SLC9A9: variants seen among roughly 807,000 people sequenced by gnomAD.
SLC9A9 encodes the protein sodium/hydrogen exchanger 9.
SLC9A9 carries 62 observed loss-of-function variants against 77.8 expected under a neutral mutation model. That is an observed-to-expected ratio of 0.80 (90% CI 0.65 to 0.98). The LOEUF (loss-of-function observed/expected upper bound fraction) is 0.98. Ranked by LOEUF, SLC9A9 falls within the 50% of genes least tolerant of loss-of-function variation. The pLI, the probability that SLC9A9 is intolerant of heterozygous loss-of-function variation, is 0.00. For missense variants in SLC9A9, 775 were observed against 774.9 expected (o/e 1.00, Z 0.00); for synonymous variants, 320 against 283.5 (o/e 1.13, Z -1.29).
intron 8 of SLC9A9, among the ~76,000 whole-genome samples, chr3:143,556,641 T>C (rs2036988086): frequency 6.6e-6 from 1 of 152,230 alleles, no homozygotes; most frequent in Non-Finnish European, 1.5e-5. Context: ...TTGCTTCCTG[T>C]AAGTATTACC....
intron 13 of SLC9A9, among the ~76,000 whole-genome samples, chr3:143,378,681 A>G (rs192468621): frequency 6.6e-6 from 1 of 152,320 alleles, no homozygotes. Context: ...CAAGGAATCA[A>G]TTACAAGGGA....
intron 11 of SLC9A9, among the ~76,000 whole-genome samples, chr3:143,468,664 C>A (rs1311675519): frequency 1.3e-5 from 2 of 152,026 alleles, no homozygotes; most frequent in Non-Finnish European, 2.9e-5. Flanking sequence ...TGTCAGACAA[C>A]AAAGAAAACT....
intron 6 of SLC9A9, among the ~76,000 whole-genome samples, chr3:143,644,510 C>G (rs1020787761): frequency 6.6e-6 from 1 of 152,110 alleles, no homozygotes; most frequent in African/African-American, 2.4e-5. Flanking sequence ...AGGGGAGATG[C>G]CAGAGTCAGG....
At chr3:143,733,347 G>C (rs1488624760) in intron 4 of SLC9A9, among the ~76,000 whole-genome samples, 1 of 152,146 alleles carries the variant, frequency 6.6e-6, no homozygotes, top group Non-Finnish European at 1.5e-5. Flanking sequence ...TAGAAGGGGA[G>C]AAGAAATGGG....
At chr3:143,512,489 G>A (rs2036132385) in intron 9 of SLC9A9, among the ~76,000 whole-genome samples, 1 of 152,190 alleles carries the variant, frequency 6.6e-6, no homozygotes. Context: ...GCAATAAAAT[G>A]AGTCACACAC....
chr3:143,791,487 G>A (rs2008222279), intron 4 of SLC9A9, among the ~76,000 whole-genome samples: 1 of 152,142 alleles, frequency 6.6e-6, no homozygotes, highest in African/African-American at 2.4e-5. Flanking sequence ...TGGCCTTCAT[G>A]TTCTCATACA....
intron 6 of SLC9A9, among the ~76,000 whole-genome samples, chr3:143,593,131 C>T (rs994960594): frequency 7.9e-5 from 12 of 152,152 alleles, no homozygotes; most frequent in African/African-American, 2.4e-4. Context: ...ACTGTGCATA[C>T]GGTTCATAAA....
At position 143,755,825 on chromosome 3, in the gene SLC9A9, ATG is replaced by A. The variant is rs139562310; in HGVS notation, c.533+39174_533+39175del. On this transcript the variant is annotated intron_variant, in intron 4 of 15. Coordinates refer to ENST00000316549, the MANE Select transcript of SLC9A9 (RefSeq NM_173653.4). ...TTCTATTATAGATATGTACAAATGCATGTGTGTGTGTGTGTGTCTGTGTGTGA... is the reference window on the plus strand; with the variant it reads ...TTCTATTATAGATATGTACAAATGCATGTGTGTGTGTGTGTCTGTGTGTGA... 1.3e-3 allele frequency among the ~76,000 whole-genome samples: 197 copies of A among 151,210 alleles called. 1 individual carries two copies. The highest frequency in any genetic ancestry group is 4.4e-3 in the African/African-American group (183 of 41,322).
chr3:143,538,037 T>C (rs2036621893), intron 9 of SLC9A9, among the ~76,000 whole-genome samples: 2 of 152,232 alleles, frequency 1.3e-5, no homozygotes, highest in African/African-American at 4.8e-5. Context: ...GCCTAGGCCT[T>C]AGGTCCATGA....
intron 12 of SLC9A9, among the ~76,000 whole-genome samples, chr3:143,420,357 C>T (rs1266783168): frequency 6.6e-6 from 1 of 152,196 alleles, no homozygotes; most frequent in African/African-American, 2.4e-5. Flanking sequence ...TTTATTATTA[C>T]ACTTAAGCAT....
intron 14 of SLC9A9, among the ~76,000 whole-genome samples, chr3:143,285,231 C>G (rs569245850): frequency 1.3e-5 from 2 of 152,276 alleles, no homozygotes; most frequent in South Asian, 2.1e-4. Context: ...TAGCCCTCTC[C>G]TAGCCCCCCA....
At chr3:143,603,103 T>A (rs771131351) in intron 6 of SLC9A9, among the ~76,000 whole-genome samples, 2 of 152,232 alleles carry the variant, frequency 1.3e-5, no homozygotes, top group Non-Finnish European at 2.9e-5. Flanking sequence ...TACCATTTGG[T>A]CCAGGTACAT....
chr3:143,652,250 C>A lies in SLC9A9; in HGVS notation c.755+5G>T. The A allele has an allele frequency of 2.5e-6, 4 of 1,605,856 alleles. No individual in the cohort carries two copies. Among genetic ancestry groups the A allele is most frequent in the Non-Finnish European group, 3.4e-6 (4 of 1,173,582 alleles). On this transcript the variant is annotated splice_donor_5th_base_variant and intron_variant, in intron 6 of 15. Transcript: ENST00000316549. ...AAGAAACATAGGCCAAGTTCTGGTA[C>A]TTACTATGTAAGGACTATGGCCACT...
At chr3:143,810,376 A>G (rs1433583020) in intron 2 of SLC9A9, among the ~76,000 whole-genome samples, 1 of 152,218 alleles carries the variant, frequency 6.6e-6, no homozygotes, top group African/African-American at 2.4e-5. Context: ...ATAAATAATC[A>G]CTAAAACAAC....
Position 143,383,044 on chromosome 3 carries a change from T to A in SLC9A9, c.1470-930A>T, listed in dbSNP as rs376156833. On this transcript the variant is annotated intron_variant, in intron 12 of 15. Coordinates refer to ENST00000316549, the MANE Select transcript of SLC9A9 (RefSeq NM_173653.4). ...TAATTTTTATTTTATGCAATTCCCA[T>A]AAGCAATGCACAGTGTACTTATCAG... 5.3e-5 allele frequency among the ~76,000 whole-genome samples: 8 copies of A among 152,366 alleles called. No homozygotes were observed. The South Asian group carries it at 1.0e-3, about 20-fold the overall frequency.
At position 143,614,256 on chromosome 3, in the gene SLC9A9, A is replaced by C. The variant is rs187691528; in HGVS notation, c.756-35533T>G. On this transcript the variant is annotated intron_variant, in intron 6 of 15. Transcript: ENST00000316549. Reference sequence around the variant, plus strand: ...TTCCTGTTTCTGGTTAGCTCTCTACACAGGTTGTGTACTCATTTTTGCTAT... The same window carrying C: ...TTCCTGTTTCTGGTTAGCTCTCTACCCAGGTTGTGTACTCATTTTTGCTAT... Among the ~76,000 whole-genome samples the C allele has an allele frequency of 3.0e-3, 455 of 152,262 alleles. 1 individual carries two copies. The highest frequency in any genetic ancestry group is 0.01 in the Middle Eastern group (3 of 294).
intron 12 of SLC9A9, among the ~76,000 whole-genome samples, chr3:143,440,109 T>A (rs560433987): frequency 6.6e-6 from 1 of 151,914 alleles, no homozygotes; most frequent in Non-Finnish European, 1.5e-5. Flanking sequence ...TAAGAAAGAG[T>A]GAATGGTGCA....
At chr3:143,308,538 T>G (rs2030897152) in intron 14 of SLC9A9, among the ~76,000 whole-genome samples, 1 of 151,174 alleles carries the variant, frequency 6.6e-6, no homozygotes. Context: ...ATCGCACCAC[T>G]GCACTCCAGC....
chr3:143,653,695 G>C (rs978932525), intron 5 of SLC9A9, among the ~76,000 whole-genome samples: 1 of 152,106 alleles, frequency 6.6e-6, no homozygotes, highest in South Asian at 2.1e-4. Context: ...GAAGAGCAGA[G>C]GGCAGAATGG....
Sources: gnomAD v4.1 joint callset for allele counts (sites outside exome capture counted in the v4.1 genomes callset) on GRCh38, gnomAD v4.1.1 for gene constraint, MANE v1.5 for transcripts, NCBI Gene and HGNC (gene_info 2026-07-23, HGNC 2026-07-21) for gene names.